TCAIM: variants seen among roughly 807,000 people sequenced by gnomAD.
TCAIM encodes T cell activation inhibitor, mitochondrial, also known as T-cell activation inhibitor, mitochondrial.
In TCAIM, 36 loss-of-function variants were observed where a neutral mutation model predicts 58.6. The ratio of observed to expected loss-of-function variants is 0.61; its 90% CI spans 0.47 to 0.81. The LOEUF is 0.81. Among genes scored for constraint, TCAIM ranks in the 30% least tolerant of loss-of-function variants. The probability of loss-of-function intolerance (pLI) is 0.00; values close to 1 mark genes in which losing one functional copy is unlikely to be tolerated. For synonymous variants in TCAIM, 172 were observed against 193.6 expected, an observed-to-expected ratio of 0.89 and a Z score of 0.93; for missense variants, 466 against 579.6, an observed-to-expected ratio of 0.80 and a Z score of 2.01.
intron 10 of TCAIM, among the ~76,000 whole-genome samples, chr3:44,401,974 A>C (rs1297588918): frequency 6.6e-6 from 1 of 152,196 alleles, no homozygotes; most frequent in Non-Finnish European, 1.5e-5. Context: ...CAGAGGTTGC[A>C]GTGAGCCGAG....
intron 3 of TCAIM, chr3:44,358,638 C>T: frequency 1.8e-6 from 1 of 549,040 alleles, no homozygotes; most frequent in Non-Finnish European, 2.3e-6. Context: ...AAATACTACA[C>T]TATTTTATAT....
intron 6 of TCAIM, among the ~76,000 whole-genome samples, chr3:44,395,671 A>G (rs969455469): frequency 6.6e-6 from 1 of 152,250 alleles, no homozygotes; most frequent in African/African-American, 2.4e-5. Context: ...CATCAAAATC[A>G]CTTTCTCTAG....
chr3:44,372,463 G>A (rs760504136), intron 5 of TCAIM, among the ~76,000 whole-genome samples: 6 of 152,084 alleles, frequency 3.9e-5, no homozygotes, highest in Non-Finnish European at 7.4e-5. Flanking sequence ...AGATTATAGA[G>A]AGGAATCATA....
At chr3:44,398,679 A>G (rs112001806) in intron 8 of TCAIM, among the ~76,000 whole-genome samples, 1,545 of 152,322 alleles carry the variant, frequency 0.01, 24 homozygotes, top group African/African-American at 0.036. Context: ...CCCAGCAGTC[A>G]CCCTTGGGTA....
At chr3:44,400,231 A>C (rs1702000013) in intron 8 of TCAIM, 124 bp from the exon 9 acceptor site, 3 of 742,550 alleles carry the variant, frequency 4.0e-6, no homozygotes, top group African/African-American at 3.6e-5. Flanking sequence ...TCTTACTTGA[A>C]CTTTCCTTCA....
At chr3:44,343,136 CA>C (rs976058978) in intron 1 of TCAIM, among the ~76,000 whole-genome samples, 269 of 133,112 alleles carry the variant, frequency 2.0e-3, no homozygotes, top group Middle Eastern at 3.7e-3. Flanking sequence ...GACTCTGTCT[CA>C]AAAAAAAAAA....
chr3:44,358,873 A>G (rs1701248552), intron 3 of TCAIM: 1 of 985,346 alleles, frequency 1.0e-6, no homozygotes, highest in East Asian at 1.1e-4. Context: ...TGGAAAATCT[A>G]TTTTGCTTTT....
intron 10 of TCAIM, among the ~76,000 whole-genome samples, chr3:44,402,953 A>T (rs1702043567): frequency 6.6e-6 from 1 of 152,158 alleles, no homozygotes; most frequent in Non-Finnish European, 1.5e-5. Context: ...CAAAGTACTC[A>T]TTTAAAAAGC....
At chr3:44,372,984 G>T (rs905881846) in intron 5 of TCAIM, among the ~76,000 whole-genome samples, 6 of 152,100 alleles carry the variant, frequency 3.9e-5, no homozygotes, top group Non-Finnish European at 7.3e-5. Context: ...TATAATTACA[G>T]TGTTATTTAG....
chr3:44,373,614 A>C (rs891082730), intron 5 of TCAIM, among the ~76,000 whole-genome samples: 5 of 152,214 alleles, frequency 3.3e-5, no homozygotes, highest in Admixed American at 6.5e-5. Context: ...AGATCGTGCC[A>C]CTGCACTCTA....
chr3:44,366,949 GC>G (rs1374634845), intron 4 of TCAIM, among the ~76,000 whole-genome samples: 2 of 152,148 alleles, frequency 1.3e-5, no homozygotes, highest in African/African-American at 4.8e-5. Context: ...AGTGGAGTGA[GC>G]AAGTATGAGG....
At chr3:44,357,901 C>G (rs775754550) in intron 3 of TCAIM, 25 bp downstream of exon 3, 1 of 1,606,988 alleles carries the variant, frequency 6.2e-7, no homozygotes, top group Non-Finnish European at 8.5e-7. Context: ...ATTTTTAAAC[C>G]ATTAGTGTAC....
At chr3:44,369,277 G>A (rs1158857738) in intron 5 of TCAIM, among the ~76,000 whole-genome samples, 3 of 152,090 alleles carry the variant, frequency 2.0e-5, no homozygotes, top group East Asian at 1.9e-4. Context: ...CTTATCTTGC[G>A]CTGTGTCTAG....
chr3:44,361,945 C>G (rs942217209), intron 4 of TCAIM, among the ~76,000 whole-genome samples: 4 of 152,204 alleles, frequency 2.6e-5, no homozygotes, highest in Admixed American at 2.6e-4. Flanking sequence ...GAACCCAGGT[C>G]TTTGAACTCC....
upstream of TCAIM, chr3:44,338,679 G>C (rs1700778077): frequency 6.6e-6 from 1 of 152,408 alleles, no homozygotes; most frequent in East Asian, 1.9e-4. Context: ...GGGAGCGCCT[G>C]GCCGTGCGTC....
intron 5 of TCAIM, among the ~76,000 whole-genome samples, chr3:44,375,742 C>T (rs1489104594): frequency 6.6e-6 from 1 of 152,114 alleles, no homozygotes; most frequent in Non-Finnish European, 1.5e-5. Flanking sequence ...GAACTCTCCT[C>T]CATATAAAAT....
At chr3:44,388,940 G>A (rs1701787231) in intron 5 of TCAIM, among the ~76,000 whole-genome samples, 2 of 152,120 alleles carry the variant, frequency 1.3e-5, no homozygotes, top group Non-Finnish European at 1.5e-5. Context: ...TGCTACATGC[G>A]CTCAGTTACT....
chr3:44,385,700 G>A (rs1053208342), intron 5 of TCAIM, among the ~76,000 whole-genome samples: 4 of 151,082 alleles, frequency 2.6e-5, no homozygotes, highest in African/African-American at 4.9e-5. Flanking sequence ...CCGAGATTGC[G>A]CCACTGCACT....
intron 1 of TCAIM, among the ~76,000 whole-genome samples, chr3:44,352,101 A>G (rs1194536164): frequency 2.0e-5 from 3 of 148,678 alleles, no homozygotes; most frequent in Non-Finnish European, 4.5e-5. Context: ...ATATATATAT[A>G]TTATATATAT....
Sources: gnomAD v4.1 joint callset for allele counts (sites outside exome capture counted in the v4.1 genomes callset) on GRCh38, gnomAD v4.1.1 for gene constraint, MANE v1.5 for transcripts, NCBI Gene and HGNC (gene_info 2026-07-23, HGNC 2026-07-21) for gene names.